Variants in TENM2 observed in about 807,000 individuals in gnomAD.
The protein encoded by TENM2 is teneurin transmembrane protein 2.
In TENM2, 52 loss-of-function variants were observed where a neutral mutation model predicts 245.2. The ratio of observed to expected loss-of-function variants is 0.21; its 90% CI spans 0.17 to 0.27. The LOEUF (loss-of-function observed/expected upper bound fraction) is 0.27. Ranked by LOEUF, TENM2 falls within the 10% of genes least tolerant of loss-of-function variation. TENM2 has a pLI of 1.00. For synonymous variants in TENM2, 1,363 were observed against 1,438.9 expected, an observed-to-expected ratio of 0.95 and a Z score of 1.19; for missense variants, 3,046 against 3,666.8, an observed-to-expected ratio of 0.83 and a Z score of 4.37.
chr5:167,670,531 G>A (rs934747958), intron 2 of TENM2, among the ~76,000 whole-genome samples: 7 of 151,774 alleles, frequency 4.6e-5, no homozygotes, highest in Non-Finnish European at 1.0e-4. Context: ...AGACCTGTAT[G>A]AGACTCAGGA....
chr5:167,388,675 G>A (rs1309616209), intron 2 of TENM2, among the ~76,000 whole-genome samples: 1 of 152,006 alleles, frequency 6.6e-6, no homozygotes, highest in African/African-American at 2.4e-5. Flanking sequence ...CACCTTTGCT[G>A]TGTCCCAGAG....
chr5:166,998,028 G>T, the TENM2 span, among the ~76,000 whole-genome samples: 1 of 152,066 alleles, frequency 6.6e-6, no homozygotes, highest in Non-Finnish European at 1.5e-5. Context: ...GCCTGCACTG[G>T]TTAATTGAGA....
chr5:167,166,003 T>C, the TENM2 span, among the ~76,000 whole-genome samples: 1 of 152,204 alleles, frequency 6.6e-6, no homozygotes, highest in African/African-American at 2.4e-5. Context: ...CTCAATTTTC[T>C]TGTATGAATA....
the TENM2 span, among the ~76,000 whole-genome samples, chr5:167,109,326 T>G: frequency 6.6e-6 from 1 of 151,942 alleles, no homozygotes; most frequent in Non-Finnish European, 1.5e-5. Context: ...TAATGAAATG[T>G]TCACCGAGAA....
chr5:168,007,604 C>G (rs1784923345), intron 5 of TENM2, among the ~76,000 whole-genome samples: 1 of 152,160 alleles, frequency 6.6e-6, no homozygotes, highest in South Asian at 2.1e-4. Flanking sequence ...AACATGAGAG[C>G]TGATTATCAA....
intron 2 of TENM2, among the ~76,000 whole-genome samples, chr5:167,868,166 T>G (rs1386111829): frequency 1.3e-5 from 2 of 152,142 alleles, no homozygotes; most frequent in Non-Finnish European, 2.9e-5. Context: ...AGTTGTCCTG[T>G]GCATTATAGG....
At chr5:167,340,168 A>G (rs776019593) in intron 1 of TENM2, among the ~76,000 whole-genome samples, 70 of 152,070 alleles carry the variant, frequency 4.6e-4, no homozygotes, top group Non-Finnish European at 8.1e-4. Flanking sequence ...CCAATTTCTA[A>G]TATTTCCATC....
Position 167,646,694 on chromosome 5 carries a change from AT to A in TENM2, c.503-229290del, listed in dbSNP as rs1779988639. 2.0e-5 allele frequency among the ~76,000 whole-genome samples: 3 copies of A among 152,208 alleles called. No individual in the cohort carries two copies. The South Asian group carries it at 6.2e-4, about 32-fold the overall frequency. ...ATAGCAACCCGGGGACATAGGGAGAATTCCATATGTCCCCCCATCTTATCAA... is the reference window on the plus strand; with the variant it reads ...ATAGCAACCCGGGGACATAGGGAGAATCCATATGTCCCCCCATCTTATCAA... On this transcript the variant is annotated intron_variant, in intron 2 of 28. Coordinates refer to ENST00000518659, the Ensembl canonical transcript of TENM2.
intron 2 of TENM2, among the ~76,000 whole-genome samples, chr5:167,844,833 G>C (rs1267604851): frequency 2.5e-5 from 3 of 120,472 alleles, no homozygotes; most frequent in Non-Finnish European, 5.3e-5. Flanking sequence ...TATTTTAGGA[G>C]TTTGGTAGTG....
intron 27 of TENM2, among the ~76,000 whole-genome samples, chr5:168,259,055 G>A (rs1416710232): frequency 1.3e-5 from 2 of 151,034 alleles, no homozygotes; most frequent in Admixed American, 1.3e-4. Context: ...GCGTGGTGGC[G>A]GGCACCTGTA....
At chr5:167,471,540 AATC>A (rs1767028252) in intron 2 of TENM2, among the ~76,000 whole-genome samples, 1 of 152,262 alleles carries the variant, frequency 6.6e-6, no homozygotes, top group South Asian at 2.1e-4. Context: ...CAATAAAAAA[AATC>A]AGTTCTGAAG....
intron 6 of TENM2, among the ~76,000 whole-genome samples, chr5:168,056,898 G>A (rs1437959768): frequency 6.6e-6 from 1 of 151,982 alleles, no homozygotes; most frequent in Admixed American, 6.6e-5. Context: ...TGTAACCTAG[G>A]AGCAATAGGG....
chr5:168,113,338 A>G (rs577641444), intron 9 of TENM2, among the ~76,000 whole-genome samples: 2 of 152,226 alleles, frequency 1.3e-5, no homozygotes, highest in African/African-American at 2.4e-5. Flanking sequence ...AATAATAATA[A>G]TAGTAATAAA....
At chr5:168,209,616 A>G (rs1274251657) in intron 19 of TENM2, among the ~76,000 whole-genome samples, 3 of 152,248 alleles carry the variant, frequency 2.0e-5, no homozygotes, top group Non-Finnish European at 2.9e-5. Flanking sequence ...AATGTGGCAC[A>G]GAGAGAGTTG....
intron 1 of TENM2, among the ~76,000 whole-genome samples, chr5:167,288,416 G>A (rs995627415): frequency 1.1e-4 from 17 of 152,080 alleles, no homozygotes; most frequent in Admixed American, 5.2e-4. Flanking sequence ...AAAATTAGTC[G>A]GGCGCGGTGG....
intron 2 of TENM2, among the ~76,000 whole-genome samples, chr5:167,717,185 G>A (rs190483062): frequency 1.1e-3 from 161 of 151,976 alleles, no homozygotes; most frequent in Non-Finnish European, 1.9e-3. Context: ...CGAACTCCTG[G>A]CCTCAAGTGA....
rs17069801 is a variant in TENM2, at chr5:168,076,730, A to G, written c.1516-13844A>G. 3.8e-3 allele frequency among the ~76,000 whole-genome samples: 580 copies of G among 152,314 alleles called. 1 individual carries two copies. The highest frequency in any genetic ancestry group is 6.1e-3 in the Non-Finnish European group (414 of 68,034). On this transcript the variant is annotated intron_variant, in intron 7 of 28. Transcript: ENST00000518659. ...TACATTCATTTGCCCTTGCAACATA[A>G]CAAGCTTGAGAGCCATGCTTCAGAT...
chr5:168,079,226 CTGTT>C (rs1412213048), intron 7 of TENM2, among the ~76,000 whole-genome samples: 5 of 152,188 alleles, frequency 3.3e-5, no homozygotes, highest in Admixed American at 2.0e-4. Context: ...ATTTGGCTCT[CTGTT>C]TGTCTGTTAT....
the TENM2 span, among the ~76,000 whole-genome samples, chr5:167,090,191 T>A: frequency 2.0e-5 from 3 of 152,054 alleles, no homozygotes; most frequent in African/African-American, 4.8e-5. Flanking sequence ...TTGGAGCTAC[T>A]GCTGGTTTGT....
Sources: allele counts gnomAD v4.1 joint callset (sites outside exome capture counted in the v4.1 genomes callset), GRCh38; gene constraint gnomAD v4.1.1; transcripts MANE v1.5; gene names NCBI Gene and HGNC (gene_info 2026-07-23, HGNC 2026-07-21).